FSTL4: variants seen among roughly 807,000 people sequenced by gnomAD.
The protein encoded by FSTL4 is follistatin-related protein 4.
In FSTL4, 28 loss-of-function variants were observed where a neutral mutation model predicts 78.2. That is an observed-to-expected ratio of 0.36 (90% CI 0.27 to 0.49). FSTL4 has a LOEUF of 0.49. Among genes scored for constraint, FSTL4 ranks in the 20% least tolerant of loss-of-function variants. The probability of loss-of-function intolerance (pLI) is 0.98; values close to 1 mark genes in which losing one functional copy is unlikely to be tolerated. For synonymous variants in FSTL4, 422 were observed against 440.5 expected (o/e 0.96, Z 0.53); for missense variants, 922 against 1,084.9 (o/e 0.85, Z 2.11).
At chr5:133,741,096 A>G in the FSTL4 span, among the ~76,000 whole-genome samples, 1 of 152,216 alleles carries the variant, frequency 6.6e-6, no homozygotes, top group Non-Finnish European at 1.5e-5. Context: ...ATGGGTTGGC[A>G]TAACTAGAAT....
chr5:133,659,265 G>T, the FSTL4 span, among the ~76,000 whole-genome samples: 1 of 152,026 alleles, frequency 6.6e-6, no homozygotes, highest in African/African-American at 2.4e-5. Context: ...CTGTATGTCT[G>T]TTGATGACAC....
chr5:133,530,476 C>A (rs1759228640), intron 3 of FSTL4, among the ~76,000 whole-genome samples: 1 of 152,210 alleles, frequency 6.6e-6, no homozygotes, highest in African/African-American at 2.4e-5. Flanking sequence ...GCATTGTGTG[C>A]TCAACACTAG....
intron 3 of FSTL4, among the ~76,000 whole-genome samples, chr5:133,561,791 CTG>C (rs1449559520): frequency 1.3e-5 from 2 of 152,208 alleles, no homozygotes; most frequent in African/African-American, 4.8e-5. Flanking sequence ...TGAAGTCACA[CTG>C]TGAGTAAGCT....
At chr5:133,324,789 AC>A (rs1754166751) in intron 4 of FSTL4, among the ~76,000 whole-genome samples, 2 of 152,336 alleles carry the variant, frequency 1.3e-5, no homozygotes, top group East Asian at 3.9e-4. Flanking sequence ...AATCCCAGCC[AC>A]CCTGCACCAT....
At chr5:133,390,426 T>G (rs1755815292) in intron 4 of FSTL4, among the ~76,000 whole-genome samples, 1 of 152,258 alleles carries the variant, frequency 6.6e-6, no homozygotes, top group African/African-American at 2.4e-5. Context: ...TTAAGCTCTG[T>G]CTTCCCTCAT....
chr5:133,835,602 G>A, the FSTL4 span, among the ~76,000 whole-genome samples: 1 of 152,266 alleles, frequency 6.6e-6, no homozygotes, highest in East Asian at 1.9e-4. Flanking sequence ...ATATACTACA[G>A]AAATCTCCAT....
chr5:133,714,187 A>T, the FSTL4 span, among the ~76,000 whole-genome samples: 1 of 152,190 alleles, frequency 6.6e-6, no homozygotes, highest in Admixed American at 6.5e-5. Context: ...CAGCCCAGAC[A>T]CACATGGAGA....
chr5:133,778,851 A>G, the FSTL4 span, among the ~76,000 whole-genome samples: 6 of 152,246 alleles, frequency 3.9e-5, no homozygotes, highest in African/African-American at 1.4e-4. Context: ...CTCTTCCCAC[A>G]TAACTCCTCT....
intron 2 of FSTL4, among the ~76,000 whole-genome samples, chr5:133,569,082 G>GAAATTAT (rs1390762338): frequency 6.6e-6 from 1 of 152,010 alleles, no homozygotes; most frequent in African/African-American, 2.4e-5. Flanking sequence ...TTGTATATTT[G>GAAATTAT]ATGGCAATTT....
chr5:133,529,026 C>T (rs1759196020), intron 3 of FSTL4, among the ~76,000 whole-genome samples: 1 of 152,148 alleles, frequency 6.6e-6, no homozygotes, highest in African/African-American at 2.4e-5. Context: ...TGCTCTTGCT[C>T]CGGCTGCCTG....
intron 4 of FSTL4, among the ~76,000 whole-genome samples, chr5:133,350,759 G>T (rs1754804305): frequency 6.6e-6 from 1 of 152,138 alleles, no homozygotes; most frequent in Admixed American, 6.5e-5. Flanking sequence ...GTGGCCCTGG[G>T]CTCCATGGTC....
At chr5:133,425,268 A>C (rs1401749149) in intron 3 of FSTL4, among the ~76,000 whole-genome samples, 1 of 152,208 alleles carries the variant, frequency 6.6e-6, no homozygotes, top group Non-Finnish European at 1.5e-5. Context: ...GTTTGTCTTA[A>C]GAGCTGCTCT....
At chr5:133,350,882 C>T (rs2126925890) in intron 4 of FSTL4, among the ~76,000 whole-genome samples, 1 of 152,322 alleles carries the variant, frequency 6.6e-6, no homozygotes, top group East Asian at 1.9e-4. Context: ...TCACATAACA[C>T]TTCTGCTCCA....
intron 4 of FSTL4, among the ~76,000 whole-genome samples, chr5:133,384,799 A>G (rs1755659969): frequency 6.6e-6 from 1 of 152,216 alleles, no homozygotes; most frequent in African/African-American, 2.4e-5. Context: ...CTGATGGTCC[A>G]GGTCTGGCCC....
intron 2 of FSTL4, among the ~76,000 whole-genome samples, chr5:133,574,391 G>C (rs1485811553): frequency 6.6e-6 from 1 of 152,236 alleles, no homozygotes; most frequent in African/African-American, 2.4e-5. Context: ...TCATTGGTCT[G>C]AGTCCCAGTA....
At chr5:133,635,871 C>A in the FSTL4 span, among the ~76,000 whole-genome samples, 1 of 152,182 alleles carries the variant, frequency 6.6e-6, no homozygotes, top group East Asian at 1.9e-4. Context: ...CTAGAAAAAT[C>A]CAACCCAGTT....
At chr5:133,378,877 A>G (rs1424262846) in intron 4 of FSTL4, among the ~76,000 whole-genome samples, 1 of 152,148 alleles carries the variant, frequency 6.6e-6, no homozygotes, top group Admixed American at 6.5e-5. Flanking sequence ...GAAATGAGAC[A>G]TATAAGAAGC....
At chr5:133,351,796 T>G (rs548994376) in intron 4 of FSTL4, among the ~76,000 whole-genome samples, 13 of 152,088 alleles carry the variant, frequency 8.5e-5, no homozygotes, top group African/African-American at 2.9e-4. Context: ...TTAGTAGAGA[T>G]GGGTTTTTGC....
chr5:133,818,581 C>T, the FSTL4 span, among the ~76,000 whole-genome samples: 1 of 152,064 alleles, frequency 6.6e-6, no homozygotes, highest in Non-Finnish European at 1.5e-5. Flanking sequence ...AAACACACTG[C>T]CAGAATCTCC....
Sources: allele counts gnomAD v4.1 joint callset (sites outside exome capture counted in the v4.1 genomes callset), GRCh38; gene constraint gnomAD v4.1.1; transcripts MANE v1.5; gene names NCBI Gene and HGNC (gene_info 2026-07-23, HGNC 2026-07-21).